ADAM10: variants seen among roughly 807,000 people sequenced by gnomAD.
The protein encoded by ADAM10 is ADAM metallopeptidase domain 10, also known as disintegrin and metalloproteinase domain-containing protein 10.
Under a neutral mutation model 90.1 loss-of-function variants are expected in ADAM10, and 17 were observed. The ratio of observed to expected loss-of-function variants is 0.19; its 90% confidence interval spans 0.13 to 0.28. The LOEUF is 0.28. Among genes scored for constraint, ADAM10 ranks in the 10% least tolerant of loss-of-function variants. The probability of loss-of-function intolerance (pLI) is 1.00; values close to 1 mark genes in which losing one functional copy is unlikely to be tolerated. For missense variants in ADAM10, 610 were observed against 914.3 expected, an observed-to-expected ratio of 0.67 and a Z score of 4.29; for synonymous variants, 310 against 298.6, an observed-to-expected ratio of 1.04 and a Z score of -0.40.
chr15:58,657,283 C>A (rs1018000479), intron 5 of ADAM10, among the ~76,000 whole-genome samples: 18 of 151,928 alleles, frequency 1.2e-4, no homozygotes, highest in Middle Eastern at 3.2e-3. Context: ...AACTTTTTAC[C>A]CCTATCTCTT....
In ADAM10 at chr15:58,729,958, T is replaced by TA. The variant is rs776357246; in HGVS notation, c.56-12232dup. The stretch of plus-strand genomic sequence containing the variant: ...GCGTAAGCAACAGAACGAGGCTCTG[T>TA]AAAAAAAAACAAAAACAAAAACAAA... On this transcript the variant is annotated intron_variant, in intron 1 of 15. Transcript: ENST00000260408. 1.7e-3 allele frequency among the ~76,000 whole-genome samples: 196 copies of TA among 118,436 alleles called. 11 individuals are homozygous for TA. The East Asian group carries it at 0.035, about 21-fold the overall frequency. 77.7% of individuals were successfully genotyped at this position (118,436 alleles called of 152,430 possible). A position where few individuals can be genotyped will look rare whatever the true frequency, so the allele number is the denominator to read the frequency against.
chr15:58,726,890 A>G (rs1293359232), intron 1 of ADAM10, among the ~76,000 whole-genome samples: 5 of 134,944 alleles, frequency 3.7e-5, no homozygotes, highest in South Asian at 5.6e-4. Context: ...GGGAGGGGAG[A>G]GGAGGGGAGG....
At chr15:58,699,036 A>C (rs1898057774) in intron 2 of ADAM10, among the ~76,000 whole-genome samples, 1 of 152,230 alleles carries the variant, frequency 6.6e-6, no homozygotes, top group Admixed American at 6.5e-5. Context: ...GAGAATTCTA[A>C]AAACAATAAC....
chr15:58,694,745 TA>T (rs111891600), intron 2 of ADAM10, among the ~76,000 whole-genome samples: 28,616 of 138,962 alleles, frequency 0.21, 3,065 homozygotes, highest in East Asian at 0.41. Context: ...ACTCAGAAAT[TA>T]AAAAAAAAAA....
chr15:58,673,857 C>G (rs989810832), intron 4 of ADAM10, among the ~76,000 whole-genome samples: 9 of 151,996 alleles, frequency 5.9e-5, no homozygotes, highest in African/African-American at 2.2e-4. Context: ...GCCTCAGCCT[C>G]TCGAGTAGCT....
intron 1 of ADAM10, among the ~76,000 whole-genome samples, chr15:58,734,655 G>A (rs1392774925): frequency 6.6e-6 from 1 of 151,124 alleles, no homozygotes; most frequent in Non-Finnish European, 1.5e-5. Flanking sequence ...AGCCAAGATC[G>A]TGCCACTGCA....
Position 58,590,134 on chromosome 15 carries a change from TC to T in ADAM10, c.*7412del, listed in dbSNP as rs1172156595. The T allele has an allele frequency of 6.6e-6, 1 of 152,198 alleles. No individual in the cohort carries two copies. Among genetic ancestry groups the T allele is most frequent in the Non-Finnish European group, 1.5e-5 (1 of 68,040 alleles). The allele number at this position is 152,198 out of a possible 1,614,324, so 9.4% of individuals were successfully genotyped here. A position where few individuals can be genotyped will look rare whatever the true frequency, so the allele number is the denominator to read the frequency against. On this transcript the variant is annotated 3_prime_UTR_variant, in exon 16 of 16. Coordinates refer to ENST00000260408, the MANE Select transcript of ADAM10 (RefSeq NM_001110.4). The stretch of plus-strand genomic sequence containing the variant: ...TCATATTTTGACTCAAGCATCACTT[TC>T]ATAAGGAATTCTCTGACCTTCCTGA...
At position 58,729,743 on chromosome 15, in the gene ADAM10, C is replaced by T. The variant is rs149306018; in HGVS notation, c.56-12016G>A. Among the ~76,000 whole-genome samples, 1,489 of 152,268 alleles carry T rather than the reference C, an allele frequency of 9.8e-3. 24 individuals carry two copies. The highest frequency in any genetic ancestry group is 0.034 in the African/African-American group (1,406 of 41,550). On this transcript the variant is annotated intron_variant, in intron 1 of 15. Transcript: ENST00000260408. ...CTTTGGGAGGCCAAGGCAGGCGGAT[C>T]ACTTGAGGTCAGGAGTTTGAGACAG... is the stretch of plus-strand genomic sequence containing the variant.
Position 58,749,082 on chromosome 15 carries a change from G to C in ADAM10, c.55+398C>G, listed in dbSNP as rs919293537. On this transcript the variant is annotated intron_variant, in intron 1 of 15. Coordinates refer to ENST00000260408, the MANE Select transcript of ADAM10 (RefSeq NM_001110.4). ...AGGATGAGCGCTGAACGAGGACGGC[G>C]AGACCGCCAGCCTCGCTGCGGCTGC... 135 of 398,616 alleles carry C rather than the reference G, an allele frequency of 3.4e-4. No individual in the cohort carries two copies. In the East Asian group the frequency reaches 4.8e-3, roughly 14 times the overall value. The allele number at this position is 398,616 out of a possible 1,614,324, so 24.7% of individuals were successfully genotyped here.
At chr15:58,701,844 G>A (rs1328104645) in intron 2 of ADAM10, among the ~76,000 whole-genome samples, 2 of 152,088 alleles carry the variant, frequency 1.3e-5, no homozygotes, top group Admixed American at 1.3e-4. Context: ...AGTGACTCAC[G>A]CCTATAATCC....
chr15:58,592,903 T>C lies in ADAM10; in HGVS notation c.*4644A>G, dbSNP rs1359423284. ...TTAATTTCATTATTAGGCTGAGGAT[T>C]TTCCTAAGAATTGTTTAAAATTCTT... On this transcript the variant is annotated 3_prime_UTR_variant, in exon 16 of 16. Coordinates refer to ENST00000260408, the MANE Select transcript of ADAM10 (RefSeq NM_001110.4). The C allele has an allele frequency of 6.6e-6, 1 of 150,952 alleles. No homozygotes were observed. The highest frequency in any genetic ancestry group is 1.5e-5 in the Non-Finnish European group (1 of 67,774). The allele number at this position is 150,952 out of a possible 1,614,324, so 9.4% of individuals were successfully genotyped here. A position where few individuals can be genotyped will look rare whatever the true frequency, so the allele number is the denominator to read the frequency against.
intron 2 of ADAM10, chr15:58,698,135 C>A (rs1236323460): frequency 2.6e-5 from 8 of 304,138 alleles, no homozygotes; most frequent in Non-Finnish European, 5.1e-5. Flanking sequence ...CTAAATAATT[C>A]TGCAGCAATA....
chr15:58,719,073 G>A (rs1257986606), intron 1 of ADAM10, among the ~76,000 whole-genome samples: 18 of 152,184 alleles, frequency 1.2e-4, no homozygotes, highest in South Asian at 2.1e-4. Flanking sequence ...CCTGTAATCC[G>A]AGCACTTTGG....
intron 12 of ADAM10, 60 bp from the exon 13 acceptor site, chr15:58,611,167 A>T: frequency 1.6e-6 from 2 of 1,232,582 alleles, no homozygotes; most frequent in South Asian, 2.4e-5. Context: ...TATTTTTTAT[A>T]GTAACAGACA....
intron 11 of ADAM10, among the ~76,000 whole-genome samples, chr15:58,616,376 T>C (rs532976379): frequency 6.6e-6 from 1 of 152,332 alleles, no homozygotes; most frequent in Admixed American, 6.5e-5. Flanking sequence ...AGACCACATA[T>C]TAGGCTATAA....
intron 2 of ADAM10, among the ~76,000 whole-genome samples, chr15:58,716,549 T>C (rs1285588828): frequency 6.6e-6 from 1 of 152,188 alleles, no homozygotes; most frequent in Non-Finnish European, 1.5e-5. Context: ...CACTTGATGC[T>C]GGCAAGTAAA....
chr15:58,716,652 G>T (rs1318058759), intron 2 of ADAM10, among the ~76,000 whole-genome samples: 9 of 152,118 alleles, frequency 5.9e-5, no homozygotes, highest in African/African-American at 2.2e-4. Context: ...ATTAATTGAA[G>T]ACTTTAGATC....
chr15:58,671,459 T>G (rs1202344037), intron 4 of ADAM10, among the ~76,000 whole-genome samples: 1 of 152,196 alleles, frequency 6.6e-6, no homozygotes, highest in East Asian at 1.9e-4. Context: ...CATAAATCTA[T>G]GAATTATGCT....
chr15:58,727,150 G>GC (rs149525506), intron 1 of ADAM10, among the ~76,000 whole-genome samples: 5,312 of 144,092 alleles, frequency 0.037, 273 homozygotes, highest in African/African-American at 0.11. Context: ...GGAAACTGGT[G>GC]CACCACCATG....
Sources: gnomAD v4.1 joint callset for allele counts (sites outside exome capture counted in the v4.1 genomes callset) on GRCh38, gnomAD v4.1.1 for gene constraint, MANE v1.5 for transcripts, NCBI Gene and HGNC (gene_info 2026-07-23, HGNC 2026-07-21) for gene names.